Variants in MIR2052HG observed in about 807,000 individuals in gnomAD.
The protein encoded by MIR2052HG is MIR2052 host gene.
chr8:74,605,960 G>A (rs1808105026), intron 1 of MIR2052HG, among the ~76,000 whole-genome samples: 1 of 152,140 alleles, frequency 6.6e-6, no homozygotes, highest in South Asian at 2.1e-4. Context: ...GCCAAGAGAC[G>A]GCTAACACTC....
chr8:74,656,698 G>A (rs1462096345), intron 2 of MIR2052HG, among the ~76,000 whole-genome samples: 1 of 152,168 alleles, frequency 6.6e-6, no homozygotes, highest in Admixed American at 6.5e-5. Context: ...TGGACCAGGA[G>A]ATTGTCTTTG....
intron 2 of MIR2052HG, among the ~76,000 whole-genome samples, chr8:74,622,621 A>G (rs1341855142): frequency 6.6e-6 from 1 of 152,052 alleles, no homozygotes; most frequent in Admixed American, 6.6e-5. Flanking sequence ...TAGAAAAAAA[A>G]TTTTAAAAAG....
chr8:74,600,346 AGGCCGAGGTG>A (rs1807977125), intron 1 of MIR2052HG, among the ~76,000 whole-genome samples: 1 of 150,294 alleles, frequency 6.7e-6, no homozygotes, highest in Admixed American at 6.6e-5. Flanking sequence ...GCACTTTGAG[AGGCCGAGGTG>A]GGCGGATCAC....
chr8:74,700,293 A>G (rs1256000114), intron 2 of MIR2052HG, among the ~76,000 whole-genome samples: 1 of 152,218 alleles, frequency 6.6e-6, no homozygotes, highest in Non-Finnish European at 1.5e-5. Flanking sequence ...TGCTACAGAC[A>G]TATAAGGTAT....
intron 4 of MIR2052HG, among the ~76,000 whole-genome samples, chr8:74,745,372 T>A (rs1377543393): frequency 1.3e-5 from 2 of 152,246 alleles, no homozygotes; most frequent in African/African-American, 4.8e-5. Flanking sequence ...TAAATAAGCA[T>A]TGATTTATTA....
intron 2 of MIR2052HG, among the ~76,000 whole-genome samples, chr8:74,626,929 C>A (rs73687181): frequency 0.026 from 3,886 of 152,294 alleles, 173 homozygotes; most frequent in African/African-American, 0.089. Flanking sequence ...GAACAGAAAT[C>A]CTTAATATGG....
At chr8:74,652,512 G>A (rs759736280) in intron 2 of MIR2052HG, among the ~76,000 whole-genome samples, 1 of 152,080 alleles carries the variant, frequency 6.6e-6, no homozygotes, top group Non-Finnish European at 1.5e-5. Context: ...AGATTTTGGG[G>A]TTGTTTTTAG....
At chr8:74,627,176 C>T (rs912855813) in intron 2 of MIR2052HG, among the ~76,000 whole-genome samples, 11 of 152,178 alleles carry the variant, frequency 7.2e-5, no homozygotes, top group African/African-American at 2.4e-4. Context: ...ATTTTCAAGA[C>T]ATTATATACC....
intron 2 of MIR2052HG, among the ~76,000 whole-genome samples, chr8:74,670,920 GTT>G (rs1013245194): frequency 6.7e-6 from 1 of 149,662 alleles, no homozygotes; most frequent in Non-Finnish European, 1.5e-5. Flanking sequence ...CTCCTCTTCT[GTT>G]TCTCTCTCAT....
chr8:74,673,541 G>A (rs983005885), intron 2 of MIR2052HG, among the ~76,000 whole-genome samples: 1 of 151,984 alleles, frequency 6.6e-6, no homozygotes, highest in Non-Finnish European at 1.5e-5. Flanking sequence ...GAACTGAAAT[G>A]GAGGTAAATA....
At chr8:74,703,367 G>T (rs1809376611) in intron 3 of MIR2052HG, among the ~76,000 whole-genome samples, 1 of 151,978 alleles carries the variant, frequency 6.6e-6, no homozygotes, top group Non-Finnish European at 1.5e-5. Context: ...CTTCCTCAAA[G>T]AAACCTATGG....
At chr8:74,666,036 T>C (rs1341700209) in intron 2 of MIR2052HG, among the ~76,000 whole-genome samples, 1 of 152,184 alleles carries the variant, frequency 6.6e-6, no homozygotes, top group Non-Finnish European at 1.5e-5. Flanking sequence ...ATCTTGGGTA[T>C]GCTTTTGTCG....
At chr8:74,733,040 A>G (rs1809709257) in intron 4 of MIR2052HG, among the ~76,000 whole-genome samples, 2 of 150,568 alleles carry the variant, frequency 1.3e-5, no homozygotes, top group Non-Finnish European at 1.5e-5. Flanking sequence ...TCAGAGACCA[A>G]TTAGGAGACA....
intron 2 of MIR2052HG, among the ~76,000 whole-genome samples, chr8:74,641,671 A>G (rs1808640421): frequency 1.3e-5 from 2 of 152,032 alleles, no homozygotes; most frequent in African/African-American, 4.8e-5. Context: ...TTTTTTGGTA[A>G]GCAAAAGACA....
At chr8:74,702,404 T>G (rs1252839493) in exon 3 of MIR2052HG, 1 of 454,946 alleles carries the variant, frequency 2.2e-6, no homozygotes, top group Non-Finnish European at 4.4e-6. Context: ...CTTTTATGTC[T>G]GATGAGGCAG....
At chr8:74,640,443 C>A (rs972649052) in intron 2 of MIR2052HG, among the ~76,000 whole-genome samples, 2 of 143,308 alleles carry the variant, frequency 1.4e-5, no homozygotes, top group Admixed American at 7.2e-5. Context: ...TGCACTCCAG[C>A]CTGGACAGGG....
chr8:74,654,056 G>C (rs1402015374), intron 2 of MIR2052HG, among the ~76,000 whole-genome samples: 2 of 152,142 alleles, frequency 1.3e-5, no homozygotes, highest in Admixed American at 1.3e-4. Context: ...TTTGTAAATT[G>C]TAGACACCCC....
chr8:74,737,495 C>T (rs1299627665), intron 4 of MIR2052HG, among the ~76,000 whole-genome samples: 1 of 152,098 alleles, frequency 6.6e-6, no homozygotes, highest in African/African-American at 2.4e-5. Flanking sequence ...TAGTTCAAAA[C>T]GCCAAGAACC....
intron 5 of MIR2052HG, chr8:74,756,879 T>A (rs955238637): frequency 5.9e-5 from 9 of 152,210 alleles, no homozygotes; most frequent in Non-Finnish European, 1.3e-4. Flanking sequence ...AAATAAATAC[T>A]TACCATATGA....
Sources: allele counts gnomAD v4.1 joint callset (sites outside exome capture counted in the v4.1 genomes callset), GRCh38; gene constraint gnomAD v4.1.1; transcripts MANE v1.5; gene names NCBI Gene and HGNC (gene_info 2026-07-23, HGNC 2026-07-21).